UST: variants seen among roughly 807,000 people sequenced by gnomAD.
UST encodes the protein uronyl 2-sulfotransferase.
In UST, 21 loss-of-function variants were observed where a neutral mutation model predicts 45.6. The observed-to-expected ratio is 0.46, with a 90% CI of 0.33 to 0.66. The LOEUF (loss-of-function observed/expected upper bound fraction) is 0.66. UST is among the 30% of genes least tolerant of loss of function. The probability of loss-of-function intolerance (pLI) is 0.02; values close to 1 mark genes in which losing one functional copy is unlikely to be tolerated. For synonymous variants in UST, 215 were observed against 200.6 expected, an observed-to-expected ratio of 1.07 and a Z score of -0.61; for missense variants, 463 against 512.4, an observed-to-expected ratio of 0.90 and a Z score of 0.93.
intron 1 of UST, among the ~76,000 whole-genome samples, chr6:148,762,666 A>G (rs1776243926): frequency 6.6e-6 from 1 of 152,034 alleles, no homozygotes; most frequent in Non-Finnish European, 1.5e-5. Context: ...CACAAAAGGT[A>G]ATTTTTCAAT....
intron 7 of UST, among the ~76,000 whole-genome samples, chr6:149,042,954 C>CT (rs111918800): frequency 0.049 from 5,111 of 104,406 alleles, 125 homozygotes; most frequent in South Asian, 0.062. Context: ...CATCACCATC[C>CT]TTTTCTTTCT....
chr6:149,046,071 G>A (rs1776391259), intron 7 of UST, among the ~76,000 whole-genome samples: 1 of 152,160 alleles, frequency 6.6e-6, no homozygotes, highest in African/African-American at 2.4e-5. Flanking sequence ...ATAGAAAATT[G>A]GAAAGAGATT....
At chr6:148,766,879 T>C (rs1776335176) in intron 1 of UST, among the ~76,000 whole-genome samples, 1 of 152,230 alleles carries the variant, frequency 6.6e-6, no homozygotes. Flanking sequence ...TAAATCCTCT[T>C]ACAGTACTAT....
At position 148,747,478 on chromosome 6, in the gene UST, C is replaced by T; in HGVS notation, c.48C>T (p.Pro16=). 1 of 1,482,612 alleles carries T rather than the reference C, an allele frequency of 6.7e-7. No homozygotes were observed. The highest frequency in any genetic ancestry group is 9.0e-7 in the Non-Finnish European group (1 of 1,116,108). 91.8% of individuals were successfully genotyped at this position (1,482,612 alleles called of 1,614,324 possible). Residue 16 remains proline, a synonymous_variant, in exon 1 of 8, where the codon CCC becomes CCT. Coordinates refer to ENST00000367463, the MANE Select transcript of UST (RefSeq NM_005715.3). ...CCGGCGGCGGCGCGGATCCCTGGCC[C>T]CATGGGGCCCCTATGGGGGGCGCCC... ...QHPGGGADPW[P]HGAPMGGAPP... is the part of the protein sequence containing the mutation.
rs374136869 is a variant in UST, at chr6:148,966,926, G to A, written c.681+2363G>A. On this transcript the variant is annotated intron_variant, in intron 5 of 7. Transcript: ENST00000367463. ...TAATTTTTGTATTTTTAGTAGAGGCGGGGGTTTCACCATGTTGGCCAGGCT... is the reference window on the plus strand; with the variant it reads ...TAATTTTTGTATTTTTAGTAGAGGCAGGGGTTTCACCATGTTGGCCAGGCT... Among the ~76,000 whole-genome samples the A allele has an allele frequency of 6.6e-5, 10 of 152,110 alleles. 1 individual carries two copies. The highest frequency in any genetic ancestry group is 5.8e-4 in the East Asian group (3 of 5,174).
intron 4 of UST, among the ~76,000 whole-genome samples, chr6:148,962,148 G>A (rs1249716224): frequency 6.6e-6 from 1 of 152,226 alleles, no homozygotes; most frequent in East Asian, 1.9e-4. Context: ...TCTGATACTT[G>A]ACAATACATT....
At chr6:148,959,425 G>A (rs980498385) in intron 4 of UST, among the ~76,000 whole-genome samples, 3 of 152,176 alleles carry the variant, frequency 2.0e-5, no homozygotes, top group South Asian at 2.1e-4. Flanking sequence ...AGTTAACACC[G>A]TCTCTGCCTC....
At chr6:149,010,018 T>TA (rs990428647) in intron 5 of UST, among the ~76,000 whole-genome samples, 2,491 of 149,330 alleles carry the variant, frequency 0.017, 57 homozygotes, top group African/African-American at 0.052. Context: ...TAAGTTTTTT[T>TA]AAAAAAAAAA....
At chr6:149,006,080 A>G (rs1038824149) in intron 5 of UST, among the ~76,000 whole-genome samples, 1 of 152,134 alleles carries the variant, frequency 6.6e-6, no homozygotes, top group African/African-American at 2.4e-5. Flanking sequence ...ATCCTATACC[A>G]TATTTTATGA....
intron 1 of UST, among the ~76,000 whole-genome samples, chr6:148,754,933 C>T (rs908961134): frequency 6.6e-6 from 1 of 152,110 alleles, no homozygotes; most frequent in African/African-American, 2.4e-5. Context: ...TTATGGATTA[C>T]TTTGAATATT....
chr6:148,992,145 A>G (rs1781365753), intron 5 of UST, among the ~76,000 whole-genome samples: 1 of 152,204 alleles, frequency 6.6e-6, no homozygotes, highest in Non-Finnish European at 1.5e-5. Context: ...AACACCATCA[A>G]CAGGCAAAGA....
intron 1 of UST, among the ~76,000 whole-genome samples, chr6:148,787,507 G>T (rs1186850047): frequency 6.6e-6 from 1 of 152,032 alleles, no homozygotes; most frequent in Non-Finnish European, 1.5e-5. Flanking sequence ...GCAGGTGTGT[G>T]GCCTTATTTC....
intron 1 of UST, among the ~76,000 whole-genome samples, chr6:148,843,460 T>C (rs547321117): frequency 6.6e-6 from 1 of 152,344 alleles, no homozygotes; most frequent in East Asian, 1.9e-4. Flanking sequence ...GTCTTTGGAT[T>C]TTTCTGTAGC....
At chr6:148,966,984 C>A (rs1480877489) in intron 5 of UST, among the ~76,000 whole-genome samples, 1 of 152,182 alleles carries the variant, frequency 6.6e-6, no homozygotes, top group East Asian at 1.9e-4. Flanking sequence ...ATGATCCACC[C>A]ACCTCAGCCT....
chr6:148,860,251 G>A (rs1463365067), intron 1 of UST, among the ~76,000 whole-genome samples: 1 of 152,096 alleles, frequency 6.6e-6, no homozygotes, highest in Non-Finnish European at 1.5e-5. Flanking sequence ...TATTCTCTTT[G>A]AAGCAATTGT....
At chr6:148,955,099 G>T (rs1780459374) in intron 4 of UST, among the ~76,000 whole-genome samples, 1 of 152,236 alleles carries the variant, frequency 6.6e-6, no homozygotes, top group African/African-American at 2.4e-5. Flanking sequence ...CCTCTGACGG[G>T]CACTTCTGTC....
intron 7 of UST, among the ~76,000 whole-genome samples, chr6:149,061,799 T>A (rs1776659101): frequency 6.6e-6 from 1 of 152,228 alleles, no homozygotes; most frequent in Non-Finnish European, 1.5e-5. Flanking sequence ...AGAGCCACAG[T>A]TCACATTGTA....
intron 2 of UST, among the ~76,000 whole-genome samples, chr6:148,901,093 T>C (rs1779247102): frequency 6.6e-6 from 1 of 152,246 alleles, no homozygotes; most frequent in African/African-American, 2.4e-5. Context: ...CTTTTTGCCA[T>C]GTAGGGTAAC....
chr6:148,904,246 G>C (rs915198458), intron 2 of UST, among the ~76,000 whole-genome samples: 5 of 152,222 alleles, frequency 3.3e-5, no homozygotes, highest in Admixed American at 2.6e-4. Flanking sequence ...TCTTGTGGGG[G>C]ATAGTAAACA....
Sources: gnomAD v4.1 joint callset for allele counts (sites outside exome capture counted in the v4.1 genomes callset) on GRCh38, gnomAD v4.1.1 for gene constraint, MANE v1.5 for transcripts, NCBI Gene and HGNC (gene_info 2026-07-23, HGNC 2026-07-21) for gene names.